The following ILDR1 variants were observed in gnomAD, a reference collection of about 807,000 sequenced individuals.
ILDR1 encodes immunoglobulin like domain containing receptor 1.
ILDR1 carries 56 observed loss-of-function variants against 62.4 expected under a neutral mutation model. The ratio of observed to expected loss-of-function variants is 0.90; its 90% confidence interval spans 0.72 to 1.12. The LOEUF (loss-of-function observed/expected upper bound fraction) is 1.12, where lower values mean the gene tolerates loss of function less well. Among genes scored for constraint, ILDR1 ranks in the 50% most tolerant of loss-of-function variants. The probability of loss-of-function intolerance (pLI) is 0.00; values close to 1 mark genes in which losing one functional copy is unlikely to be tolerated. For synonymous variants in ILDR1, 284 were observed against 277.8 expected, an observed-to-expected ratio of 1.02 and a Z score of -0.22; for missense variants, 736 against 710.6, an observed-to-expected ratio of 1.04 and a Z score of -0.41.
intron 1 of ILDR1, among the ~76,000 whole-genome samples, chr3:122,015,796 C>T (rs752093467): frequency 6.6e-6 from 1 of 152,122 alleles, no homozygotes; most frequent in Admixed American, 6.5e-5. Context: ...TATTTATCGC[C>T]GAAATATTTC....
chr3:122,019,642 A>C (rs183499961), intron 1 of ILDR1, among the ~76,000 whole-genome samples: 41 of 152,330 alleles, frequency 2.7e-4, no homozygotes, highest in African/African-American at 8.9e-4. Context: ...CACAGCTCAG[A>C]GCACAAGGAC....
chr3:121,988,542 A>T (rs1159109094), intron 7 of ILDR1, 134 bp from the exon 8 acceptor site: 1 of 730,918 alleles, frequency 1.4e-6, no homozygotes, highest in Non-Finnish European at 2.4e-6. Context: ...TCTGAACCTA[A>T]AAAGTATTTC....
chr3:122,044,229 G>A, the ILDR1 span, among the ~76,000 whole-genome samples: 15 of 41,296 alleles, frequency 3.6e-4, no homozygotes. Flanking sequence ...TTATTGATTT[G>A]CGTATATTGA....
intron 1 of ILDR1, among the ~76,000 whole-genome samples, chr3:122,011,860 T>C (rs776067880): frequency 7.2e-5 from 11 of 152,000 alleles, no homozygotes; most frequent in Non-Finnish European, 1.0e-4. Flanking sequence ...CCTGCTCATA[T>C]AGGTGGGCAG....
upstream of ILDR1, among the ~76,000 whole-genome samples, chr3:122,024,378 TA>T (rs1559886178): frequency 6.6e-6 from 1 of 152,144 alleles, no homozygotes; most frequent in Non-Finnish European, 1.5e-5. Flanking sequence ...AAACCAAACA[TA>T]ATAGGGAAGA....
chr3:122,047,817 A>C, the ILDR1 span, among the ~76,000 whole-genome samples: 3 of 151,934 alleles, frequency 2.0e-5, no homozygotes, highest in African/African-American at 7.3e-5. Flanking sequence ...ACTGTCTGGC[A>C]CTCCCTAGTG....
chr3:122,004,819 G>T (rs1339339278), intron 3 of ILDR1, among the ~76,000 whole-genome samples: 1 of 152,110 alleles, frequency 6.6e-6, no homozygotes, highest in Admixed American at 6.5e-5. Context: ...GTCTCAAGGT[G>T]GTCATCTGCT....
the ILDR1 span, among the ~76,000 whole-genome samples, chr3:122,040,271 T>A: frequency 6.6e-6 from 1 of 151,934 alleles, no homozygotes; most frequent in African/African-American, 2.4e-5. Flanking sequence ...TAAAGTTACA[T>A]GTAAAACTGC....
rs755439168 is a variant in ILDR1, at chr3:122,001,860, T to C, written c.384A>G (p.Ala128=). The C allele has an allele frequency of 6.2e-7, 1 of 1,613,342 alleles. No individual in the cohort carries two copies. Among genetic ancestry groups the C allele is most frequent in the East Asian group, 2.2e-5 (1 of 44,878 alleles). ...ACATCACTTCATTTATCACGAGATC[T>C]GCTCCTACACAGTAAGGAGGGAGAA... ...RQRKITIQNR[A]DLVINEVMWW... The change falls in exon 4 of 8, where the codon GCA becomes GCG. Residue 128 remains alanine (A), a synonymous_variant. Transcript: ENST00000344209.
chr3:121,997,026 G>C (rs1194993223), intron 5 of ILDR1, among the ~76,000 whole-genome samples: 1 of 152,072 alleles, frequency 6.6e-6, no homozygotes, highest in African/African-American at 2.4e-5. Context: ...TCAGCCTCCC[G>C]AGTAGCTGGG....
At chr3:122,058,588 T>A in the ILDR1 span, among the ~76,000 whole-genome samples, 4 of 152,028 alleles carry the variant, frequency 2.6e-5, no homozygotes, top group Non-Finnish European at 5.9e-5. Flanking sequence ...CATGGGGGAA[T>A]TTTAAGTATA....
chr3:122,054,720 G>A, the ILDR1 span, among the ~76,000 whole-genome samples: 8 of 151,932 alleles, frequency 5.3e-5, no homozygotes, highest in African/African-American at 1.9e-4. Context: ...ATTCATACGA[G>A]GAAATATCTT....
At chr3:122,045,932 T>C in the ILDR1 span, among the ~76,000 whole-genome samples, 1 of 151,022 alleles carries the variant, frequency 6.6e-6, no homozygotes, top group Non-Finnish European at 1.5e-5. Context: ...AAAGTTAATA[T>C]TGTTATGTGT....
upstream of ILDR1, among the ~76,000 whole-genome samples, chr3:122,024,734 G>C (rs1185005561): frequency 6.6e-6 from 1 of 152,256 alleles, no homozygotes; most frequent in East Asian, 1.9e-4. Context: ...GAGGTACAAA[G>C]AGATAACTTG....
intron 3 of ILDR1, 42 bp downstream of exon 3, chr3:122,005,202 T>TGCC: frequency 2.5e-6 from 3 of 1,216,398 alleles, no homozygotes; most frequent in Non-Finnish European, 1.2e-6. Flanking sequence ...TGTCTGCACC[T>TGCC]CCCCCCACCC....
At chr3:122,061,424 T>G in the ILDR1 span, among the ~76,000 whole-genome samples, 1 of 152,030 alleles carries the variant, frequency 6.6e-6, no homozygotes, top group Non-Finnish European at 1.5e-5. Context: ...TAAAAAGAAA[T>G]AAACATGACA....
chr3:121,994,007 G>T (rs749527084), intron 6 of ILDR1, 37 bp from the exon 7 acceptor site: 15 of 1,584,594 alleles, frequency 9.5e-6, no homozygotes, highest in Non-Finnish European at 1.3e-5. Context: ...AGAACAAATG[G>T]CCCAAAACAT....
the ILDR1 span, among the ~76,000 whole-genome samples, chr3:122,047,364 G>T: frequency 6.6e-6 from 1 of 152,232 alleles, no homozygotes; most frequent in Non-Finnish European, 1.5e-5. Context: ...GGTTACTGCT[G>T]TCTTTTTGTC....
At chr3:122,014,714 C>G (rs1400591564) in intron 1 of ILDR1, among the ~76,000 whole-genome samples, 2 of 152,192 alleles carry the variant, frequency 1.3e-5, no homozygotes, top group Non-Finnish European at 2.9e-5. Flanking sequence ...TAGCCAGTGA[C>G]AGTCCCATGT....
Sources: allele counts gnomAD v4.1 joint callset (sites outside exome capture counted in the v4.1 genomes callset), GRCh38; gene constraint gnomAD v4.1.1; transcripts MANE v1.5; gene names NCBI Gene and HGNC (gene_info 2026-07-23, HGNC 2026-07-21).